Variants in SMKR1 observed in about 807,000 individuals in gnomAD.
SMKR1 encodes small lysine rich protein 1.
SMKR1 carries 4 observed loss-of-function variants against 4.0 expected under a neutral mutation model. That is an observed-to-expected ratio of 1.00 (90% CI 0.49 to 2.30). The LOEUF is 2.30. SMKR1 is among the 30% of genes most tolerant of loss of function. The probability of loss-of-function intolerance (pLI) is 0.02; values close to 1 mark genes in which losing one functional copy is unlikely to be tolerated. For synonymous variants in SMKR1, 38 were observed against 32.5 expected, an observed-to-expected ratio of 1.17 and a Z score of -0.58; for missense variants, 56 against 81.8, an observed-to-expected ratio of 0.68 and a Z score of 1.22.
intron 1 of SMKR1, among the ~76,000 whole-genome samples, chr7:129,503,059 G>A (rs1274039469): frequency 2.0e-5 from 3 of 151,654 alleles, no homozygotes; most frequent in Non-Finnish European, 4.4e-5. Flanking sequence ...GTCCTGTTGA[G>A]CAGCCCCCAC....
At chr7:129,503,567 T>G (rs1252410274) in intron 1 of SMKR1, among the ~76,000 whole-genome samples, 1 of 152,236 alleles carries the variant, frequency 6.6e-6, no homozygotes, top group East Asian at 1.9e-4. Flanking sequence ...CTTCCCTGTC[T>G]TGATCCGTTT....
At chr7:129,507,048 C>T (rs1380982682) in intron 1 of SMKR1, among the ~76,000 whole-genome samples, 6 of 150,832 alleles carry the variant, frequency 4.0e-5, no homozygotes, top group Admixed American at 6.6e-5. Flanking sequence ...TGGAGTCTCA[C>T]TCTGTTGCCC....
chr7:129,505,803 T>A (rs1015709222), intron 1 of SMKR1, among the ~76,000 whole-genome samples: 3 of 151,744 alleles, frequency 2.0e-5, no homozygotes, highest in African/African-American at 7.3e-5. Context: ...TCTAAAGAGG[T>A]GATATTTGAG....
intron 1 of SMKR1, among the ~76,000 whole-genome samples, chr7:129,509,761 G>A (rs548039128): frequency 2.0e-5 from 3 of 152,164 alleles, no homozygotes; most frequent in East Asian, 1.9e-4. Context: ...GGCTGATCTC[G>A]AACTCCTGAC....
intron 1 of SMKR1, among the ~76,000 whole-genome samples, chr7:129,508,366 A>G (rs1310710824): frequency 1.3e-5 from 2 of 152,194 alleles, no homozygotes; most frequent in African/African-American, 2.4e-5. Flanking sequence ...TGACACCACT[A>G]TCACACCATC....
intron 1 of SMKR1, among the ~76,000 whole-genome samples, chr7:129,505,287 C>A (rs1799452992): frequency 6.6e-6 from 1 of 152,148 alleles, no homozygotes; most frequent in African/African-American, 2.4e-5. Context: ...TGGACAGTGA[C>A]TCTACTGGGG....
chr7:129,510,428 G>A (rs943452620), intron 1 of SMKR1, among the ~76,000 whole-genome samples: 2 of 152,156 alleles, frequency 1.3e-5, no homozygotes, highest in Non-Finnish European at 2.9e-5. Context: ...TCTGAGTGTT[G>A]GTGGTGTTAA....
chr7:129,512,342 G>A lies in SMKR1; in HGVS notation c.99G>A (p.Leu33=). The A allele has an allele frequency of 6.5e-7, 1 of 1,536,092 alleles. No individual in the cohort carries two copies. The highest frequency in any genetic ancestry group is 8.7e-7 in the Non-Finnish European group (1 of 1,146,900). ...EVDILSPAAM[L]NLYYIAHNVA... ...ACATTCTCAGCCCCGCGGCCATGCT[G>A]AACCTCTACTACATCGCCCACAACG... is the stretch of plus-strand genomic sequence containing the variant. Residue 33 remains leucine, a synonymous_variant, in exon 2 of 2, where the codon CTG becomes CTA. Coordinates refer to ENST00000462322, the MANE Select transcript of SMKR1 (RefSeq NM_001195243.2).
chr7:129,508,930 T>G (rs1166840505), intron 1 of SMKR1, among the ~76,000 whole-genome samples: 1 of 152,250 alleles, frequency 6.6e-6, no homozygotes, highest in African/African-American at 2.4e-5. Flanking sequence ...GACTTTTATG[T>G]GAATTTTAGG....
chr7:129,507,679 A>G (rs1262943845), intron 1 of SMKR1, among the ~76,000 whole-genome samples: 1 of 152,212 alleles, frequency 6.6e-6, no homozygotes, highest in Non-Finnish European at 1.5e-5. Flanking sequence ...CATCTTCACT[A>G]ATACTTGGTA....
intron 1 of SMKR1, among the ~76,000 whole-genome samples, chr7:129,503,442 G>A (rs1052090879): frequency 2.0e-5 from 3 of 152,200 alleles, no homozygotes; most frequent in Non-Finnish European, 4.4e-5. Flanking sequence ...TTGCTAAAGG[G>A]GCCTCAACCT....
chr7:129,503,362 C>G (rs1799430864), intron 1 of SMKR1, among the ~76,000 whole-genome samples: 1 of 148,544 alleles, frequency 6.7e-6, no homozygotes, highest in Admixed American at 6.6e-5. Flanking sequence ...GCCCCTGCCC[C>G]AAGTCCTCAG....
chr7:129,504,792 C>A (rs1256377851), intron 1 of SMKR1, among the ~76,000 whole-genome samples: 3 of 152,164 alleles, frequency 2.0e-5, no homozygotes, highest in African/African-American at 7.2e-5. Context: ...TGCAAGTGAT[C>A]CACCTGCCTC....
chr7:129,512,040 G>A (rs535092463), intron 1 of SMKR1, among the ~76,000 whole-genome samples: 5 of 152,002 alleles, frequency 3.3e-5, no homozygotes, highest in African/African-American at 7.2e-5. Flanking sequence ...AAAATTAGCC[G>A]GGAGTGATGG....
At chr7:129,506,388 G>T (rs769995583) in intron 1 of SMKR1, among the ~76,000 whole-genome samples, 2 of 152,206 alleles carry the variant, frequency 1.3e-5, no homozygotes, top group African/African-American at 2.4e-5. Context: ...ACTGCAGTGA[G>T]CCATGATCGT....
intron 1 of SMKR1, 68 bp downstream of exon 1, chr7:129,502,895 G>A: frequency 6.5e-7 from 1 of 1,530,910 alleles, no homozygotes; most frequent in Non-Finnish European, 8.7e-7. Context: ...CTGTCCCGGA[G>A]AGGCGCGGGC....
In SMKR1 at chr7:129,512,685, C is replaced by T; in HGVS notation, c.*244C>T. ...GGGAAAAGCCTGAGTAATTCCTACA[C>T]AGTGTGCTGAAATTAATAGAACTTT... On this transcript the variant is annotated 3_prime_UTR_variant, in exon 2 of 2. Coordinates refer to ENST00000462322, the MANE Select transcript of SMKR1 (RefSeq NM_001195243.2). The T allele has an allele frequency of 2.5e-6, 1 of 399,610 alleles. No individual in the cohort carries two copies. The allele number at this position is 399,610 out of a possible 1,614,324, so 24.8% of individuals were successfully genotyped here.
intron 1 of SMKR1, among the ~76,000 whole-genome samples, chr7:129,506,507 A>G (rs1453929931): frequency 6.6e-6 from 1 of 152,164 alleles, no homozygotes; most frequent in African/African-American, 2.4e-5. Context: ...TCATTAAGCC[A>G]TCACCACAAT....
intron 1 of SMKR1, among the ~76,000 whole-genome samples, chr7:129,504,975 C>G (rs535249329): frequency 6.6e-6 from 1 of 152,230 alleles, no homozygotes. Flanking sequence ...CCATCTAATA[C>G]AGGGCCTGGG....
Sources: allele counts gnomAD v4.1 joint callset (sites outside exome capture counted in the v4.1 genomes callset), GRCh38; gene constraint gnomAD v4.1.1; transcripts MANE v1.5; gene names NCBI Gene and HGNC (gene_info 2026-07-23, HGNC 2026-07-21).